ZDHHC15: variants seen among roughly 807,000 people sequenced by gnomAD.
The protein encoded by ZDHHC15 is palmitoyltransferase ZDHHC15.
ZDHHC15 carries 19 observed loss-of-function variants against 31.7 expected under a neutral mutation model. That is an observed-to-expected ratio of 0.60 (90% CI 0.42 to 0.88). The LOEUF (loss-of-function observed/expected upper bound fraction) is 0.88. ZDHHC15 is among the 40% of genes least tolerant of loss of function. The pLI is 0.00. For missense variants in ZDHHC15, 209 were observed against 251.2 expected (o/e 0.83, Z 1.14); for synonymous variants, 103 against 90.0 (o/e 1.14, Z -0.82).
At chrX:75,430,773 G>A (rs1316220396) in intron 5 of ZDHHC15, among the ~76,000 whole-genome samples, 1 of 111,345 alleles carries the variant, frequency 9.0e-6, no homozygotes, top group Non-Finnish European at 1.9e-5. Context: ...CATGTTTATA[G>A]GTACCCTTAA....
At chrX:75,453,401 G>T (rs974171251) in intron 3 of ZDHHC15, among the ~76,000 whole-genome samples, 3 of 111,242 alleles carry the variant, frequency 2.7e-5, no homozygotes, top group African/African-American at 9.8e-5. Flanking sequence ...ATAATTAATA[G>T]CCTACCAAAC....
chrX:75,397,179 TAGTC>T (rs1473445381), intron 10 of ZDHHC15, among the ~76,000 whole-genome samples: 1 of 109,595 alleles, frequency 9.1e-6, no homozygotes, highest in African/African-American at 3.3e-5. Flanking sequence ...ATACAAAAAT[TAGTC>T]AGGCATGGTT....
intron 1 of ZDHHC15, among the ~76,000 whole-genome samples, chrX:75,510,410 T>C (rs2085242902): frequency 9.1e-6 from 1 of 109,404 alleles, no homozygotes; most frequent in South Asian, 3.9e-4. Context: ...AATACCATGA[T>C]TCCTATAGGC....
At chrX:75,407,017 T>C (rs764229609) in intron 10 of ZDHHC15, among the ~76,000 whole-genome samples, 42 of 112,614 alleles carry the variant, frequency 3.7e-4, no homozygotes, top group African/African-American at 1.3e-3. Flanking sequence ...TGCAGTGGCG[T>C]GATCTTGGCT....
chrX:75,457,683 A>C (rs1026688178), intron 3 of ZDHHC15, among the ~76,000 whole-genome samples: 4 of 109,972 alleles, frequency 3.6e-5, no homozygotes, highest in African/African-American at 6.6e-5. Flanking sequence ...ACACACACAG[A>C]GTCTCTGATA....
intron 1 of ZDHHC15, among the ~76,000 whole-genome samples, chrX:75,510,421 T>C (rs1047626661): frequency 2.0e-4 from 22 of 108,955 alleles, no homozygotes; most frequent in Non-Finnish European, 3.1e-4. Flanking sequence ...TCCTATAGGC[T>C]TGAATGGATA....
intron 4 of ZDHHC15, among the ~76,000 whole-genome samples, chrX:75,448,445 T>C (rs1262826223): frequency 8.9e-6 from 1 of 112,250 alleles, no homozygotes; most frequent in African/African-American, 3.2e-5. Context: ...TGAATACAGT[T>C]GTGTGTGTGT....
intron 2 of ZDHHC15, among the ~76,000 whole-genome samples, chrX:75,486,680 G>T (rs1490892413): frequency 8.9e-6 from 1 of 111,891 alleles, no homozygotes; most frequent in Non-Finnish European, 1.9e-5. Flanking sequence ...CTTGCTGGCT[G>T]CATGGATGCT....
intron 10 of ZDHHC15, among the ~76,000 whole-genome samples, chrX:75,389,600 C>G (rs1036001532): frequency 9.9e-5 from 11 of 110,637 alleles, no homozygotes; most frequent in Non-Finnish European, 1.3e-4. Flanking sequence ...ACTAGACACA[C>G]CCTGTGCCAG....
intron 2 of ZDHHC15, chrX:75,501,432 T>C (rs2085085552): frequency 9.0e-6 from 1 of 111,678 alleles, no homozygotes; most frequent in Middle Eastern, 4.2e-3. Flanking sequence ...CATGTGTCTT[T>C]ATGGTAAAAT....
chrX:75,513,388 A>T (rs1208201291), intron 1 of ZDHHC15, among the ~76,000 whole-genome samples: 2 of 112,021 alleles, frequency 1.8e-5, no homozygotes, highest in Non-Finnish European at 3.8e-5. Context: ...AGCTGGCAAA[A>T]ACTGTCAGAA....
intron 2 of ZDHHC15, among the ~76,000 whole-genome samples, chrX:75,488,696 T>A (rs1929420202): frequency 8.9e-6 from 1 of 112,109 alleles, no homozygotes; most frequent in Non-Finnish European, 1.9e-5. Flanking sequence ...GATTGCTGCA[T>A]TTCCAACAGA....
chrX:75,467,457 A>G (rs2147950363), intron 3 of ZDHHC15, among the ~76,000 whole-genome samples: 1 of 112,544 alleles, frequency 8.9e-6, no homozygotes, highest in South Asian at 3.7e-4. Flanking sequence ...CTTATAATAC[A>G]GTGAGCCAGT....
At chrX:75,404,682 A>G (rs2083392259) in intron 10 of ZDHHC15, among the ~76,000 whole-genome samples, 1 of 112,164 alleles carries the variant, frequency 8.9e-6, no homozygotes, top group South Asian at 3.8e-4. Flanking sequence ...ATGAGATACC[A>G]TCTTACAGCA....
intron 4 of ZDHHC15, among the ~76,000 whole-genome samples, chrX:75,446,990 T>C (rs981936546): frequency 1.2e-4 from 13 of 110,402 alleles, no homozygotes; most frequent in African/African-American, 4.0e-4. Context: ...TGTTCAATGA[T>C]TACCAGTCAG....
chrX:75,472,873 T>G (rs1204030850), intron 3 of ZDHHC15, among the ~76,000 whole-genome samples: 1 of 112,296 alleles, frequency 8.9e-6, no homozygotes, highest in Admixed American at 9.4e-5. Flanking sequence ...GCATTCAAAC[T>G]GGCACCATTT....
chrX:75,440,898 T>C (rs1174068581), intron 4 of ZDHHC15, among the ~76,000 whole-genome samples: 2 of 111,411 alleles, frequency 1.8e-5, no homozygotes, highest in South Asian at 3.8e-4. Context: ...TGGAGTTATG[T>C]TCCCAGGAGG....
chrX:75,371,088 G>A lies in ZDHHC15; in HGVS notation c.*1890C>T, dbSNP rs1272602372. The A allele has an allele frequency of 1.8e-5, 2 of 111,578 alleles. No individual in the cohort carries two copies. Among genetic ancestry groups the A allele is most frequent in the East Asian group, 5.6e-4 (2 of 3,541 alleles). The allele number at this position is 111,578 out of a possible 1,213,427, so 9.2% of individuals were successfully genotyped here. On this transcript the variant is annotated 3_prime_UTR_variant, in exon 12 of 12. Coordinates refer to ENST00000373367, the MANE Select transcript of ZDHHC15 (RefSeq NM_144969.3). The stretch of plus-strand genomic sequence containing the variant: ...GGCAGAAGATGATTGATGGGAAAGA[G>A]GAAGATTACTTTGAGGCCTACTTGC...
chrX:75,377,044 G>A (rs1311938353), intron 11 of ZDHHC15, among the ~76,000 whole-genome samples: 1 of 111,184 alleles, frequency 9.0e-6, no homozygotes, highest in Non-Finnish European at 1.9e-5. Flanking sequence ...ATGTATTAAT[G>A]CATTCTTCTA....
Sources: allele counts gnomAD v4.1 joint callset (sites outside exome capture counted in the v4.1 genomes callset), GRCh38; gene constraint gnomAD v4.1.1; transcripts MANE v1.5; gene names NCBI Gene and HGNC (gene_info 2026-07-23, HGNC 2026-07-21).